PDE11A: variants seen among roughly 807,000 people sequenced by gnomAD.
PDE11A encodes dual 3',5'-cyclic-AMP and -GMP phosphodiesterase 11A.
PDE11A carries 100 observed loss-of-function variants against 100.5 expected under a neutral mutation model. That is an observed-to-expected ratio of 1.00 (90% confidence interval 0.85 to 1.18). PDE11A has a LOEUF of 1.18. Ranked by LOEUF, PDE11A falls within the 50% of genes most tolerant of loss-of-function variation. The pLI is 0.00. For missense variants in PDE11A, 1,141 were observed against 1,152.6 expected (o/e 0.99, Z 0.15); for synonymous variants, 381 against 420.8 (o/e 0.91, Z 1.16).
At chr2:177,982,906 C>G (rs1260224677) in intron 2 of PDE11A, among the ~76,000 whole-genome samples, 1 of 150,326 alleles carries the variant, frequency 6.7e-6, no homozygotes, top group Non-Finnish European at 1.5e-5. Flanking sequence ...ATAGTAAAAC[C>G]CCATCTCTAC....
chr2:177,986,190 G>C (rs1232005747), intron 2 of PDE11A, among the ~76,000 whole-genome samples: 1 of 152,162 alleles, frequency 6.6e-6, no homozygotes, highest in Non-Finnish European at 1.5e-5. Context: ...TCCACCTGGA[G>C]ACCTTCAGGA....
intron 4 of PDE11A, among the ~76,000 whole-genome samples, chr2:177,888,407 T>C (rs1467751855): frequency 3.3e-5 from 5 of 152,114 alleles, no homozygotes; most frequent in Non-Finnish European, 1.5e-5. Flanking sequence ...CTAAGACAAT[T>C]GGTTATACAC....
intron 1 of PDE11A, among the ~76,000 whole-genome samples, chr2:178,062,401 A>G (rs1481547587): frequency 4.0e-5 from 6 of 151,894 alleles, no homozygotes; most frequent in Non-Finnish European, 4.4e-5. Context: ...GCACCCTCTC[A>G]CTTAGTGGTT....
At chr2:178,069,482 A>G (rs1035004479) in intron 1 of PDE11A, among the ~76,000 whole-genome samples, 1 of 152,222 alleles carries the variant, frequency 6.6e-6, no homozygotes, top group African/African-American at 2.4e-5. Flanking sequence ...AACCAAGGGT[A>G]AATTCCCAAC....
intron 1 of PDE11A, among the ~76,000 whole-genome samples, chr2:178,044,372 G>A (rs1234610305): frequency 6.8e-6 from 1 of 147,396 alleles, no homozygotes; most frequent in East Asian, 2.0e-4. Flanking sequence ...TTATATATAT[G>A]TTTTTATATA....
intron 19 of PDE11A, among the ~76,000 whole-genome samples, chr2:177,652,930 C>T (rs2080331382): frequency 6.6e-6 from 1 of 152,142 alleles, no homozygotes; most frequent in Admixed American, 6.5e-5. Flanking sequence ...CTCAAACATT[C>T]TGTGGACCTT....
rs67326972 is a variant in PDE11A at position 178,026,660 on chromosome 2, C to CA, written c.913-12201dup. On this transcript the variant is annotated intron_variant, in intron 1 of 19. Coordinates refer to ENST00000286063, the MANE Select transcript of PDE11A (RefSeq NM_016953.4). ...TGTGCAACAGAGCGAGACTCTGTCT[C>CA]AAAAAAAAAAAAAGAAAAGAAAAAA... is the stretch of plus-strand genomic sequence containing the variant. 2.8e-3 allele frequency among the ~76,000 whole-genome samples: 300 copies of CA among 107,890 alleles called. No individual in the cohort carries two copies. In the Middle Eastern group the frequency reaches 0.045, roughly 16 times the overall value. 70.8% of individuals were successfully genotyped at this position (107,890 alleles called of 152,430 possible).
chr2:177,735,828 C>A (rs2081770773), intron 10 of PDE11A, among the ~76,000 whole-genome samples: 1 of 152,238 alleles, frequency 6.6e-6, no homozygotes, highest in African/African-American at 2.4e-5. Context: ...CTTCTGTTCG[C>A]TGTCCATGCC....
chr2:177,934,760 TA>T (rs1318796591), intron 2 of PDE11A, among the ~76,000 whole-genome samples: 2 of 152,180 alleles, frequency 1.3e-5, no homozygotes, highest in African/African-American at 4.8e-5. Context: ...ATGGATCTGA[TA>T]AAGAAAATGT....
intron 19 of PDE11A, among the ~76,000 whole-genome samples, chr2:177,639,911 G>A (rs1030784017): frequency 3.9e-5 from 6 of 152,098 alleles, no homozygotes; most frequent in Non-Finnish European, 8.8e-5. Flanking sequence ...CCAGATTAGT[G>A]TTTGAACCTG....
At chr2:177,934,518 T>G (rs12994913) in intron 2 of PDE11A, among the ~76,000 whole-genome samples, 13,170 of 152,220 alleles carry the variant, frequency 0.087, 543 homozygotes, top group South Asian at 0.1. Flanking sequence ...AAAAGGAGAA[T>G]GCTCATACAC....
At chr2:178,040,214 A>C (rs2086667203) in intron 1 of PDE11A, among the ~76,000 whole-genome samples, 1 of 151,954 alleles carries the variant, frequency 6.6e-6, no homozygotes, top group Non-Finnish European at 1.5e-5. Flanking sequence ...ACAGGAGTGC[A>C]CTACTACACC....
At chr2:177,846,108 G>GTT (rs1212051187) in intron 5 of PDE11A, among the ~76,000 whole-genome samples, 5 of 152,072 alleles carry the variant, frequency 3.3e-5, no homozygotes, top group Non-Finnish European at 5.9e-5. Flanking sequence ...ATGCAGAATC[G>GTT]TAACACTGAG....
At chr2:177,924,482 C>T (rs371994067) in intron 2 of PDE11A, among the ~76,000 whole-genome samples, 2 of 152,122 alleles carry the variant, frequency 1.3e-5, no homozygotes, top group African/African-American at 2.4e-5. Context: ...TTCATGGCCA[C>T]GAGAGCTAGA....
chr2:177,992,467 TA>T (rs2086016148), intron 2 of PDE11A, among the ~76,000 whole-genome samples: 1 of 143,686 alleles, frequency 7.0e-6, no homozygotes, highest in Admixed American at 7.1e-5. Context: ...AAAATATTTC[TA>T]CCATTCATGC....
intron 10 of PDE11A, among the ~76,000 whole-genome samples, chr2:177,751,674 C>T (rs2105477741): frequency 6.6e-6 from 1 of 151,796 alleles, no homozygotes; most frequent in East Asian, 1.9e-4. Context: ...TTTCTCCTCC[C>T]CTTTAAATAA....
chr2:177,768,139 C>A (rs2105499883), intron 10 of PDE11A, among the ~76,000 whole-genome samples: 1 of 152,158 alleles, frequency 6.6e-6, no homozygotes, highest in African/African-American at 2.4e-5. Context: ...TGCTTCCGGC[C>A]CTTGCGAGGA....
intron 1 of PDE11A, among the ~76,000 whole-genome samples, chr2:178,039,248 A>T (rs1574360337): frequency 6.6e-6 from 1 of 152,214 alleles, no homozygotes; most frequent in African/African-American, 2.4e-5. Flanking sequence ...TAGAGCTGGA[A>T]GCTATTATTA....
chr2:178,085,462 C>T (rs1414195144), intron 2 of PDE11A, among the ~76,000 whole-genome samples: 2 of 151,972 alleles, frequency 1.3e-5, no homozygotes, highest in African/African-American at 4.8e-5. Context: ...ATCCATACTC[C>T]AAACCTGAGC....
Sources: gnomAD v4.1 joint callset for allele counts (sites outside exome capture counted in the v4.1 genomes callset) on GRCh38, gnomAD v4.1.1 for gene constraint, MANE v1.5 for transcripts, NCBI Gene and HGNC (gene_info 2026-07-23, HGNC 2026-07-21) for gene names.